The following LAMA4 variants were observed in gnomAD, a reference collection of about 807,000 sequenced individuals.
LAMA4 encodes the protein laminin subunit alpha 4, also known as laminin subunit alpha-4.
Under a neutral mutation model 207.1 loss-of-function variants are expected in LAMA4, and 127 were observed. The ratio of observed to expected loss-of-function variants is 0.61; its 90% CI spans 0.53 to 0.71. The LOEUF (loss-of-function observed/expected upper bound fraction) is 0.71. Among genes scored for constraint, LAMA4 ranks in the 30% least tolerant of loss-of-function variants. The pLI, the probability that LAMA4 is intolerant of heterozygous loss-of-function variation, is 0.00. For missense variants in LAMA4, 2,093 were observed against 2,246.5 expected (o/e 0.93, Z 1.38); for synonymous variants, 761 against 816.0 (o/e 0.93, Z 1.15).
At chr6:112,114,525 A>G in intron 37 of LAMA4, 138 bp downstream of exon 37, 1 of 726,566 alleles carries the variant, frequency 1.4e-6, no homozygotes, top group Non-Finnish European at 2.5e-6. Context: ...ACATAATAGT[A>G]TAATAACATG....
rs1554332946 is a variant in LAMA4, at chr6:112,140,812, A to G, written c.2924T>C (p.Leu975Pro). 4 of 1,614,090 alleles carry G rather than the reference A, an allele frequency of 2.5e-6. No individual in the cohort carries two copies. The South Asian group carries it at 3.3e-5, about 13-fold the overall frequency. ...EFSGDDSLLD[L>P]DPEDTVFYVG... Reference sequence around the variant, plus strand: ...ATAAAACACTGTGTCCTCAGGGTCCAGGTCCAGCAGAGAGTCATCTCCCGA... The same window carrying G: ...ATAAAACACTGTGTCCTCAGGGTCCGGGTCCAGCAGAGAGTCATCTCCCGA... The change falls in exon 22 of 39, where the codon CTG becomes CCG. Residue 975 changes from leucine to proline, a missense_variant. By Grantham distance (98) the Leu-to-Pro change is moderately conservative (BLOSUM62 -3). Transcript: ENST00000230538.
Position 112,139,820 on chromosome 6 carries a change from A to G in LAMA4, c.3042T>C (p.Asp1014=), listed in dbSNP as rs945553101. The part of the protein sequence containing the change: ...GCLELATLNN[D]VISLYNFKHI... Reference sequence around the variant, plus strand: ...GCTTAAAGTTGTACAAGCTGATCACATCATTATTCAAAGTGGCCAGTTCCA... The same window carrying G: ...GCTTAAAGTTGTACAAGCTGATCACGTCATTATTCAAAGTGGCCAGTTCCA... Residue 1014 remains aspartate (D), a synonymous_variant, in exon 23 of 39, where the codon GAT becomes GAC. Coordinates refer to ENST00000230538, the MANE Select transcript of LAMA4 (RefSeq NM_001105206.3). 3.1e-6 allele frequency: 5 copies of G among 1,613,974 alleles called. No homozygotes were observed. The highest frequency in any genetic ancestry group is 1.3e-5 in the African/African-American group (1 of 74,920).
chr6:112,140,156 C>A (rs1049870990), intron 22 of LAMA4, among the ~76,000 whole-genome samples: 1 of 152,114 alleles, frequency 6.6e-6, no homozygotes, highest in African/African-American at 2.4e-5. Flanking sequence ...TCAGTCCTTG[C>A]GCCAGCTTTG....
intron 15 of LAMA4, among the ~76,000 whole-genome samples, 194 bp from the exon 16 acceptor site, chr6:112,155,141 GT>G (rs1320112611): frequency 6.6e-6 from 1 of 152,118 alleles, no homozygotes; most frequent in Non-Finnish European, 1.5e-5. Flanking sequence ...TCAAGGTAAT[GT>G]TTTTTTGGGA....
In LAMA4 at chr6:112,253,063, A is replaced by G. The variant is rs977044922; in HGVS notation, c.195+893T>C. Among the ~76,000 whole-genome samples the G allele has an allele frequency of 5.3e-5, 8 of 152,360 alleles. No homozygotes were observed. In the East Asian group the frequency reaches 1.5e-3, roughly 29 times the overall value. ...GATGTTAGAAATGGTGTCAATCCAC[A>G]TAACTGTTTTAGTTGTACAGTTGCT... is the stretch of plus-strand genomic sequence containing the variant. On this transcript the variant is annotated intron_variant, in intron 2 of 38. Coordinates refer to ENST00000230538, the MANE Select transcript of LAMA4 (RefSeq NM_001105206.3).
rs1554329086 is a variant in LAMA4 at position 112,129,972 on chromosome 6, G to A, written c.4037C>T (p.Thr1346Ile). Reference protein sequence around the residue: ...KNPTKGKIEQTQASEKKFYFG... With the variant: ...KNPTKGKIEQIQASEKKFYFG... ...GTAAAACTTCTTTTCACTTGCTTGT[G>A]TCTGTTCTATTTTCCCTTTGGTAGG... The change falls in exon 30 of 39, where the codon ACA becomes ATA. Residue 1346 changes from threonine to isoleucine, a missense_variant. Thr to Ile is a moderately conservative substitution (Grantham distance 89). This residue lies in a region of LAMA4 where 1,704 missense variants were observed against 1,788.4 expected (regional missense o/e 0.95). Coordinates refer to ENST00000230538, the MANE Select transcript of LAMA4 (RefSeq NM_001105206.3). The A allele has an allele frequency of 6.2e-7, 1 of 1,613,092 alleles. No individual in the cohort carries two copies. The highest frequency in any genetic ancestry group is 1.1e-5 in the South Asian group (1 of 91,060).
At chr6:112,114,431 C>T (rs1777892887) in intron 37 of LAMA4, among the ~76,000 whole-genome samples, 1 of 151,780 alleles carries the variant, frequency 6.6e-6, no homozygotes, top group South Asian at 2.1e-4. Flanking sequence ...TTTTTTTGCC[C>T]TATAAGTTAT....
At chr6:112,155,417 A>G (rs1780648878) in intron 15 of LAMA4, 148 bp downstream of exon 15, 3 of 808,398 alleles carry the variant, frequency 3.7e-6, no homozygotes, top group Admixed American at 4.2e-5. Flanking sequence ...CCTTCAAGGC[A>G]TTCATGAAAT....
At chr6:112,142,466 G>A (rs1319661702) in intron 19 of LAMA4, among the ~76,000 whole-genome samples, 174 bp from the exon 20 acceptor site, 1 of 149,982 alleles carries the variant, frequency 6.7e-6, no homozygotes, top group Non-Finnish European at 1.5e-5. Context: ...TTGTGACACA[G>A]TAGTTTAAAG....
At chr6:112,149,857 C>T (rs529557138) in intron 17 of LAMA4, among the ~76,000 whole-genome samples, 3 of 152,298 alleles carry the variant, frequency 2.0e-5, no homozygotes, top group African/African-American at 7.2e-5. Context: ...AGGATTTGCT[C>T]ATTCTAGTAA....
chr6:112,158,239 A>C (rs1386710708), intron 14 of LAMA4: 2 of 176,924 alleles, frequency 1.1e-5, no homozygotes, highest in Non-Finnish European at 2.4e-5. Context: ...GGCACTGTGG[A>C]GTATTTATCA....
At chr6:112,191,581 A>G (rs1231441763) in intron 6 of LAMA4, 55 bp downstream of exon 6, 7 of 1,283,904 alleles carry the variant, frequency 5.5e-6, no homozygotes, top group Non-Finnish European at 7.9e-6. Context: ...TAAATTCAGT[A>G]TTGGCAGAGG....
intron 28 of LAMA4, among the ~76,000 whole-genome samples, chr6:112,132,496 C>T (rs954166392): frequency 2.6e-5 from 4 of 152,216 alleles, no homozygotes; most frequent in Middle Eastern, 3.4e-3. Context: ...GTAATCTTTT[C>T]GCATTAAGTC....
At chr6:112,250,217 G>A (rs972875827) in intron 2 of LAMA4, among the ~76,000 whole-genome samples, 5 of 152,068 alleles carry the variant, frequency 3.3e-5, no homozygotes, top group Non-Finnish European at 7.4e-5. Flanking sequence ...TGATCTCAAG[G>A]GACCTTTTTC....
chr6:112,133,951 G>A lies in LAMA4; in HGVS notation c.3558-464C>T, dbSNP rs574945095. On this transcript the variant is annotated intron_variant, in intron 26 of 38. Coordinates refer to ENST00000230538, the MANE Select transcript of LAMA4 (RefSeq NM_001105206.3). ...GTTAGGATTTGAACACAGGTCTTCA[G>A]ACTTTTATTAATCCACGTCATTAAT... Among the ~76,000 whole-genome samples the A allele has an allele frequency of 2.0e-5, 3 of 152,160 alleles. No individual in the cohort carries two copies. The South Asian group carries it at 6.2e-4, about 32-fold the overall frequency.
At position 112,116,009 on chromosome 6, in the gene LAMA4, C is replaced by A; in HGVS notation, c.4982-16G>T. 6.2e-7 allele frequency: 1 copy of A among 1,608,752 alleles called. No homozygotes were observed. The highest frequency in any genetic ancestry group is 8.5e-7 in the Non-Finnish European group (1 of 1,175,952). On this transcript the variant is annotated splice_polypyrimidine_tract_variant and intron_variant, in intron 35 of 38. Transcript: ENST00000230538. Reference sequence around the variant, plus strand: ...AAAGATTCATCTGTGGAGAGAAACACTATAAACTCCCAAGAACAGCAAGAT... The same window carrying A: ...AAAGATTCATCTGTGGAGAGAAACAATATAAACTCCCAAGAACAGCAAGAT...
chr6:112,190,297 A>G (rs1184645347), intron 6 of LAMA4, among the ~76,000 whole-genome samples: 2 of 152,232 alleles, frequency 1.3e-5, no homozygotes, highest in Non-Finnish European at 2.9e-5. Context: ...GCCTGACTAG[A>G]CACAGTGCTC....
chr6:112,211,951 T>C (rs1381239899), intron 3 of LAMA4, among the ~76,000 whole-genome samples: 1 of 152,048 alleles, frequency 6.6e-6, no homozygotes, highest in Non-Finnish European at 1.5e-5. Flanking sequence ...TGATGAGTTG[T>C]TGGGAAGCTG....
intron 25 of LAMA4, chr6:112,135,817 G>A (rs1251604132): frequency 2.9e-6 from 1 of 348,198 alleles, no homozygotes; most frequent in Non-Finnish European, 5.5e-6. Flanking sequence ...CAAATGTATA[G>A]AAGTATCCTG....
Sources: allele counts gnomAD v4.1 joint callset (sites outside exome capture counted in the v4.1 genomes callset), GRCh38; gene constraint gnomAD v4.1.1; regional missense constraint gnomAD v4.1.1; transcripts MANE v1.5; gene names NCBI Gene and HGNC (gene_info 2026-07-23, HGNC 2026-07-21).